The following UNC79 variants were observed in gnomAD, a reference collection of about 807,000 sequenced individuals.
UNC79 encodes unc-79 subunit of NALCN channel complex, also known as protein unc-79 homolog.
Under a neutral mutation model 283.1 loss-of-function variants are expected in UNC79, and 37 were observed. That is an observed-to-expected ratio of 0.13 (90% confidence interval 0.10 to 0.17). The LOEUF (loss-of-function observed/expected upper bound fraction) is 0.17. UNC79 is among the 10% of genes least tolerant of loss of function. The pLI, the probability that UNC79 is intolerant of heterozygous loss-of-function variation, is 1.00. For synonymous variants in UNC79, 1,107 were observed against 1,200.2 expected (o/e 0.92, Z 1.61); for missense variants, 2,272 against 3,211.1 (o/e 0.71, Z 7.07).
At chr14:93,509,635 T>C (rs928483991) in intron 7 of UNC79, among the ~76,000 whole-genome samples, 2 of 152,216 alleles carry the variant, frequency 1.3e-5, no homozygotes, top group Non-Finnish European at 2.9e-5. Flanking sequence ...AATAATCTGC[T>C]TTGACTCCAT....
intron 16 of UNC79, among the ~76,000 whole-genome samples, chr14:93,573,495 T>G (rs867438959): frequency 2.0e-5 from 3 of 152,216 alleles, no homozygotes; most frequent in African/African-American, 7.2e-5. Flanking sequence ...GATGTTCAAT[T>G]AAAGTTTATT....
intron 34 of UNC79, among the ~76,000 whole-genome samples, chr14:93,644,228 CTG>C (rs1253768017): frequency 6.6e-6 from 1 of 152,132 alleles, no homozygotes; most frequent in African/African-American, 2.4e-5. Flanking sequence ...TTCAACCTGA[CTG>C]AGAGATTACG....
chr14:93,633,511 T>G (rs1358301486), intron 31 of UNC79, among the ~76,000 whole-genome samples: 1 of 152,214 alleles, frequency 6.6e-6, no homozygotes, highest in African/African-American at 2.4e-5. Flanking sequence ...CATCCCTTTC[T>G]AGGGCGTGTA....
intron 1 of UNC79, among the ~76,000 whole-genome samples, chr14:93,435,719 ACT>A (rs2056061330): frequency 6.6e-6 from 1 of 152,124 alleles, no homozygotes; most frequent in Non-Finnish European, 1.5e-5. Flanking sequence ...TAAACTTTTT[ACT>A]CTCTGCCATA....
At chr14:93,642,276 T>G (rs962928970) in intron 33 of UNC79, among the ~76,000 whole-genome samples, 8 of 151,656 alleles carry the variant, frequency 5.3e-5, no homozygotes, top group African/African-American at 1.7e-4. Context: ...TACAAAAAAA[T>G]TAGCTGGGCC....
At chr14:93,509,871 T>C (rs2059733033) in intron 7 of UNC79, among the ~76,000 whole-genome samples, 1 of 152,208 alleles carries the variant, frequency 6.6e-6, no homozygotes, top group African/African-American at 2.4e-5. Context: ...AGTGCCCCCA[T>C]AGGGACTCTG....
chr14:93,617,424 G>A lies in UNC79; in HGVS notation c.4224+120G>A. 1 of 1,082,894 alleles carries A rather than the reference G, an allele frequency of 9.2e-7. No homozygotes were observed. Among genetic ancestry groups the A allele is most frequent in the Admixed American group, 2.6e-5 (1 of 37,976 alleles). 67.1% of individuals were successfully genotyped at this position (1,082,894 alleles called of 1,614,324 possible). A position where few individuals can be genotyped will look rare whatever the true frequency, so the allele number is the denominator to read the frequency against. Reference sequence around the variant, plus strand: ...GTAGAAGTTTGACCTTCAGAAGGAAGATCAGGATATGCAATTACTGTTAAG... The same window carrying A: ...GTAGAAGTTTGACCTTCAGAAGGAAAATCAGGATATGCAATTACTGTTAAG... On this transcript the variant is annotated intron_variant, in intron 28 of 48. Coordinates refer to ENST00000555664, the Ensembl canonical transcript of UNC79. The surrounding 1 kb of genome is among the most constrained non-coding windows in gnomAD (Gnocchi z 4.5).
chr14:93,515,409 C>A (rs1316052232), intron 7 of UNC79, among the ~76,000 whole-genome samples: 1 of 151,950 alleles, frequency 6.6e-6, no homozygotes, highest in Admixed American at 6.6e-5. Context: ...GATTCTGATT[C>A]TCTTGTCTGT....
chr14:93,564,218 G>A (rs1299777828), intron 14 of UNC79, among the ~76,000 whole-genome samples: 1 of 152,190 alleles, frequency 6.6e-6, no homozygotes, highest in African/African-American at 2.4e-5. Flanking sequence ...ACGGAAAGAG[G>A]AGTGGGGAAA....
chr14:93,395,704 C>T (rs1011668046), intron 1 of UNC79, among the ~76,000 whole-genome samples: 1 of 152,014 alleles, frequency 6.6e-6, no homozygotes, highest in Admixed American at 6.6e-5. Context: ...TTTTTTTCCT[C>T]TTAGTACTTT....
chr14:93,510,850 G>C (rs2059787335), intron 7 of UNC79, among the ~76,000 whole-genome samples: 2 of 152,120 alleles, frequency 1.3e-5, no homozygotes, highest in South Asian at 4.1e-4. Flanking sequence ...TTCCAAAGTG[G>C]CTTCCACATT....
chr14:93,469,275 G>A (rs754868934), intron 2 of UNC79, among the ~76,000 whole-genome samples: 12 of 152,192 alleles, frequency 7.9e-5, no homozygotes, highest in Non-Finnish European at 1.6e-4. Context: ...GTATTTTAGT[G>A]GTAAAACTGG....
chr14:93,593,326 C>T lies in UNC79; in HGVS notation c.3033-354C>T, dbSNP rs569435196. On this transcript the variant is annotated intron_variant, in intron 22 of 48. Coordinates refer to ENST00000555664, the Ensembl canonical transcript of UNC79. ...AAACCAACCAAACTTGCCAGATGCT[C>T]ACTGTAAGAAAATTTTTAAAAATCA... Among the ~76,000 whole-genome samples the T allele has an allele frequency of 5.9e-5, 9 of 152,298 alleles. No homozygotes were observed. The East Asian group carries it at 1.5e-3, about 26-fold the overall frequency.
intron 18 of UNC79, among the ~76,000 whole-genome samples, chr14:93,579,068 C>T (rs1359558083): frequency 1.3e-5 from 2 of 151,874 alleles, no homozygotes; most frequent in East Asian, 3.9e-4. Flanking sequence ...GTGGACTGTC[C>T]CTCAATTTGA....
At chr14:93,464,413 T>C (rs916012165) in intron 1 of UNC79, 7 of 396,638 alleles carry the variant, frequency 1.8e-5, no homozygotes, top group Admixed American at 9.1e-5. Context: ...GTATCTCTTA[T>C]GTGTCCTAAT....
chr14:93,573,841 C>G (rs1322146346), intron 16 of UNC79, among the ~76,000 whole-genome samples: 1 of 152,088 alleles, frequency 6.6e-6, no homozygotes, highest in East Asian at 1.9e-4. Flanking sequence ...CCCGTCTCTA[C>G]AAAAAATACA....
Position 93,529,510 on chromosome 14 carries a change from T to C in UNC79, c.1093+184T>C, listed in dbSNP as rs116095009. Among the ~76,000 whole-genome samples, 704 of 152,304 alleles carry C rather than the reference T, an allele frequency of 4.6e-3. 3 individuals carry two copies. Among genetic ancestry groups the C allele is most frequent in the African/African-American group, 0.016 (670 of 41,558 alleles). On this transcript the variant is annotated intron_variant, in intron 10 of 48. Coordinates refer to ENST00000555664, the Ensembl canonical transcript of UNC79. The stretch of plus-strand genomic sequence containing the variant: ...TATAATGTACCCACACATTTAATAA[T>C]GCGGGAAGTAGTATCATCCCTACCA...
chr14:93,404,493 A>AAAAAAAAAAAAAGATATAT, intron 1 of UNC79, among the ~76,000 whole-genome samples: 1 of 61,512 alleles, frequency 1.6e-5, no homozygotes. Context: ...TTCTAAAAAA[A>AAAAAAAAAAAAAGATATAT]ATATATATAT....
intron 1 of UNC79, among the ~76,000 whole-genome samples, chr14:93,441,811 T>A (rs2056307684): frequency 6.6e-6 from 1 of 152,138 alleles, no homozygotes; most frequent in Non-Finnish European, 1.5e-5. Context: ...TGGTTTAGCT[T>A]TGTTTCTCAG....
Sources: allele counts gnomAD v4.1 joint callset (sites outside exome capture counted in the v4.1 genomes callset), GRCh38; gene constraint gnomAD v4.1.1; non-coding constraint Gnocchi (gnomAD v3.1); transcripts MANE v1.5; gene names NCBI Gene and HGNC (gene_info 2026-07-23, HGNC 2026-07-21).